The following DCC variants were observed in gnomAD, a reference collection of about 807,000 sequenced individuals.
DCC encodes the protein netrin receptor DCC.
A neutral mutation model predicts 172.5 loss-of-function variants in DCC; 58 were observed. That is an observed-to-expected ratio of 0.34 (90% CI 0.27 to 0.42). The LOEUF (loss-of-function observed/expected upper bound fraction) is 0.42, where lower values mean the gene tolerates loss of function less well. Ranked by LOEUF, DCC falls within the 10% of genes least tolerant of loss-of-function variation. The pLI is 1.00. For missense variants in DCC, 1,740 were observed against 1,791.0 expected (o/e 0.97, Z 0.51); for synonymous variants, 709 against 644.5 (o/e 1.10, Z -1.52).
intron 1 of DCC, among the ~76,000 whole-genome samples, chr18:52,388,038 T>G (rs1281218604): frequency 6.6e-6 from 1 of 152,034 alleles, no homozygotes; most frequent in East Asian, 1.9e-4. Flanking sequence ...GTGGTCTATG[T>G]GAGGGGCTCT....
At chr18:53,393,064 C>A (rs10163659) in intron 17 of DCC, among the ~76,000 whole-genome samples, 9 of 151,942 alleles carry the variant, frequency 5.9e-5, no homozygotes, top group Admixed American at 5.9e-4. Context: ...TCTCCTTATA[C>A]TTTAGCCAAT....
chr18:52,941,223 T>A (rs932080072), intron 5 of DCC: 2 of 152,092 alleles, frequency 1.3e-5, no homozygotes, highest in African/African-American at 4.8e-5. Context: ...TATAGTAAAT[T>A]TACTGATGCT....
At chr18:53,044,542 C>T (rs1407844339) in intron 5 of DCC, among the ~76,000 whole-genome samples, 1 of 151,612 alleles carries the variant, frequency 6.6e-6, no homozygotes, top group Non-Finnish European at 1.5e-5. Context: ...CTTTATAGCT[C>T]CCAGTTGATT....
At chr18:52,719,869 G>A (rs554529049) in intron 1 of DCC, among the ~76,000 whole-genome samples, 2 of 152,176 alleles carry the variant, frequency 1.3e-5, no homozygotes, top group Non-Finnish European at 2.9e-5. Context: ...CAGTGAGCAA[G>A]GCCCGGCAGG....
intron 16 of DCC, among the ~76,000 whole-genome samples, chr18:53,388,035 C>T (rs1346768572): frequency 1.3e-5 from 2 of 152,192 alleles, no homozygotes; most frequent in East Asian, 3.9e-4. Context: ...TAGCATATGA[C>T]ATTCCCAAGG....
intron 5 of DCC, among the ~76,000 whole-genome samples, chr18:52,937,623 A>G (rs2040399938): frequency 6.6e-6 from 1 of 152,042 alleles, no homozygotes. Flanking sequence ...ATCTGGGGCT[A>G]CAGGTGCACA....
At chr18:53,122,144 T>C (rs958455850) in intron 7 of DCC, among the ~76,000 whole-genome samples, 2 of 151,996 alleles carry the variant, frequency 1.3e-5, no homozygotes, top group Non-Finnish European at 2.9e-5. Context: ...TTTTCAGTTT[T>C]CAGGTTGGCT....
At chr18:53,345,705 T>G (rs185855083) in intron 15 of DCC, among the ~76,000 whole-genome samples, 2 of 152,136 alleles carry the variant, frequency 1.3e-5, no homozygotes, top group Admixed American at 6.5e-5. Flanking sequence ...ATATCTTAAT[T>G]CTACTTTTTT....
chr18:53,258,222 T>A (rs1285307535), intron 12 of DCC, among the ~76,000 whole-genome samples: 19 of 152,194 alleles, frequency 1.2e-4, no homozygotes, highest in Admixed American at 1.2e-3. Context: ...TCAGTTCTGC[T>A]CTGATCTTAG....
At chr18:52,729,676 A>G (rs534162173) in intron 1 of DCC, among the ~76,000 whole-genome samples, 256 of 152,364 alleles carry the variant, frequency 1.7e-3, no homozygotes, top group Non-Finnish European at 2.6e-3. Context: ...AGATAATGCT[A>G]AAGTCAGTGA....
At chr18:52,369,260 T>C (rs957820362) in intron 1 of DCC, among the ~76,000 whole-genome samples, 1 of 152,048 alleles carries the variant, frequency 6.6e-6, no homozygotes, top group African/African-American at 2.4e-5. Context: ...TTTGTGGGTT[T>C]TTTTTTCTTT....
At chr18:53,508,398 G>C (rs925012999) in intron 27 of DCC, among the ~76,000 whole-genome samples, 1 of 150,732 alleles carries the variant, frequency 6.6e-6, no homozygotes, top group African/African-American at 2.4e-5. Flanking sequence ...TTGTTATGTT[G>C]TCCAGGCTAG....
chr18:53,121,496 T>C (rs889867349), intron 7 of DCC, among the ~76,000 whole-genome samples: 17 of 151,932 alleles, frequency 1.1e-4, no homozygotes, highest in African/African-American at 3.6e-4. Context: ...ATATATTACG[T>C]AAACTTCCAA....
rs57501246 is a variant in DCC, at chr18:53,145,105, C to CTTTTTTTT, written c.1262-12231_1262-12224dup. Among the ~76,000 whole-genome samples, 16 of 36,922 alleles carry CTTTTTTTT rather than the reference C, an allele frequency of 4.3e-4. 6 individuals carry two copies. The highest frequency in any genetic ancestry group is 2.3e-3 in the East Asian group (2 of 868). The allele number at this position is 36,922 out of a possible 152,430, so 24.2% of individuals were successfully genotyped here. A position where few individuals can be genotyped will look rare whatever the true frequency, so the allele number is the denominator to read the frequency against. On this transcript the variant is annotated intron_variant, in intron 7 of 28. Transcript: ENST00000442544. Reference sequence around the variant, plus strand: ...AGGTGATTAAGCTGTGAGGGCTCTGCTTTTTTTTTTTTTTTTTTTTTTTTT... The same window carrying CTTTTTTTT: ...AGGTGATTAAGCTGTGAGGGCTCTGCTTTTTTTTTTTTTTTTTTTTTTTTTTTTTTTTT...
At chr18:52,350,541 G>A (rs896074469) in intron 1 of DCC, among the ~76,000 whole-genome samples, 3 of 152,120 alleles carry the variant, frequency 2.0e-5, no homozygotes, top group Non-Finnish European at 4.4e-5. Flanking sequence ...TTGGGGGCTA[G>A]GGGAGGGATA....
At chr18:53,035,160 CTGTGTG>C (rs56806063) in intron 5 of DCC, among the ~76,000 whole-genome samples, 8 of 148,924 alleles carry the variant, frequency 5.4e-5, no homozygotes, top group African/African-American at 7.4e-5. Flanking sequence ...AAACATTTAT[CTGTGTG>C]TGTGTGTGTG....
chr18:53,481,480 C>T (rs1299356703), intron 25 of DCC, among the ~76,000 whole-genome samples: 1 of 152,092 alleles, frequency 6.6e-6, no homozygotes, highest in African/African-American at 2.4e-5. Flanking sequence ...TATCAAAGAA[C>T]ACCTGAAAAT....
chr18:53,089,988 C>T lies in DCC; in HGVS notation c.1261+23822C>T, dbSNP rs574873607. ...GTACAAATAGCATCTAACATTTAAGCTTTGAGAATCTTTGGCTCTACTTTC... is the reference window on the plus strand; with the variant it reads ...GTACAAATAGCATCTAACATTTAAGTTTTGAGAATCTTTGGCTCTACTTTC... On this transcript the variant is annotated intron_variant, in intron 7 of 28. Transcript: ENST00000442544. Among the ~76,000 whole-genome samples the T allele has an allele frequency of 2.0e-5, 3 of 152,232 alleles. No homozygotes were observed. The South Asian group carries it at 6.2e-4, about 32-fold the overall frequency.
chr18:53,471,788 G>A (rs2045699835), intron 25 of DCC, among the ~76,000 whole-genome samples: 1 of 151,998 alleles, frequency 6.6e-6, no homozygotes, highest in South Asian at 2.1e-4. Flanking sequence ...TTTATAAGCA[G>A]GTCTTCCCTG....
Sources: allele counts gnomAD v4.1 joint callset (sites outside exome capture counted in the v4.1 genomes callset), GRCh38; gene constraint gnomAD v4.1.1; transcripts MANE v1.5; gene names NCBI Gene and HGNC (gene_info 2026-07-23, HGNC 2026-07-21).